LMO7: variants seen among roughly 807,000 people sequenced by gnomAD.
LMO7 encodes the protein LIM domain 7.
LMO7 carries 120 observed loss-of-function variants against 206.5 expected under a neutral mutation model. The observed-to-expected ratio is 0.58, with a 90% CI of 0.50 to 0.68. The LOEUF (loss-of-function observed/expected upper bound fraction) is 0.68, where lower values mean the gene tolerates loss of function less well. LMO7 is among the 30% of genes least tolerant of loss of function. LMO7 has a pLI of 0.00. For missense variants in LMO7, 1,959 were observed against 1,957.9 expected (o/e 1.00, Z -0.01); for synonymous variants, 706 against 681.5 (o/e 1.04, Z -0.56).
intron 2 of LMO7, among the ~76,000 whole-genome samples, chr13:75,720,219 A>G (rs2043902129): frequency 6.6e-6 from 1 of 152,046 alleles, no homozygotes; most frequent in African/African-American, 2.4e-5. Context: ...TTCCTTGTAT[A>G]TTTTAGATAA....
intron 29 of LMO7, 31 bp from the exon 30 acceptor site, chr13:75,856,475 T>C: frequency 7.6e-7 from 1 of 1,316,736 alleles, no homozygotes; most frequent in Non-Finnish European, 1.1e-6. Flanking sequence ...AGCTGACTGA[T>C]TGTAGATGTT....
At chr13:75,803,484 TGTA>T (rs2055043310) in intron 7 of LMO7, among the ~76,000 whole-genome samples, 1 of 152,224 alleles carries the variant, frequency 6.6e-6, no homozygotes, top group African/African-American at 2.4e-5. Flanking sequence ...GGCTTGGATC[TGTA>T]GTGTTGTTCT....
intron 4 of LMO7, among the ~76,000 whole-genome samples, chr13:75,764,934 GTTTT>G: frequency 6.6e-6 from 1 of 151,864 alleles, no homozygotes; most frequent in South Asian, 2.1e-4. Flanking sequence ...AACGGAGTTT[GTTTT>G]TTTAAGTCGA....
At position 75,858,670 on chromosome 13, in the gene LMO7, G is replaced by T. The variant is rs778342912; in HGVS notation, c.*727G>T. 4.6e-5 allele frequency: 7 copies of T among 152,724 alleles called. No individual in the cohort carries two copies. The highest frequency in any genetic ancestry group is 1.0e-4 in the Non-Finnish European group (7 of 68,016). The allele number at this position is 152,724 out of a possible 1,614,324, so 9.5% of individuals were successfully genotyped here. A position where few individuals can be genotyped will look rare whatever the true frequency, so the allele number is the denominator to read the frequency against. ...TGCATTTGTAAATAAACTTGCTGAT[G>T]CATTTAACGAGTGGGTCGTCTTTTT... is the stretch of plus-strand genomic sequence containing the variant. On this transcript the variant is annotated 3_prime_UTR_variant, in exon 31 of 31. Coordinates refer to ENST00000377534, the MANE Select transcript of LMO7 (RefSeq NM_001306080.2).
At chr13:75,857,787 T>G (rs985740383) in intron 30 of LMO7, 134 bp from the exon 31 acceptor site, 4 of 524,250 alleles carry the variant, frequency 7.6e-6, no homozygotes, top group African/African-American at 1.9e-5. Flanking sequence ...AGCTTTATCC[T>G]AAGAGTGAGT....
At chr13:75,838,261 A>G (rs1017049409) in intron 20 of LMO7, 65 bp downstream of exon 20, 4 of 1,519,138 alleles carry the variant, frequency 2.6e-6, no homozygotes, top group South Asian at 1.1e-5. Flanking sequence ...ACTCTTCCTC[A>G]TGGTCTGTGG....
At chr13:75,780,286 G>A (rs987906818) in intron 4 of LMO7, among the ~76,000 whole-genome samples, 43 of 152,096 alleles carry the variant, frequency 2.8e-4, no homozygotes, top group African/African-American at 9.9e-4. Context: ...AGGAGACCAG[G>A]GCGTATTTCA....
At chr13:75,810,462 T>C (rs1028801317) in intron 11 of LMO7, among the ~76,000 whole-genome samples, 4 of 152,224 alleles carry the variant, frequency 2.6e-5, no homozygotes, top group Non-Finnish European at 4.4e-5. Flanking sequence ...TTGCAAGTAC[T>C]TGTTAGCCAC....
chr13:75,710,323 T>C (rs1221412964), intron 1 of LMO7, among the ~76,000 whole-genome samples: 21 of 152,280 alleles, frequency 1.4e-4, no homozygotes, highest in Admixed American at 7.2e-4. Context: ...TAGTTTTTTC[T>C]AATTCTGTGA....
chr13:75,743,293 C>T (rs2046570641), intron 3 of LMO7, among the ~76,000 whole-genome samples: 1 of 152,078 alleles, frequency 6.6e-6, no homozygotes, highest in South Asian at 2.1e-4. Flanking sequence ...GTGTGGGAAG[C>T]TGTGTAGTGT....
chr13:75,662,004 A>T (rs2038652974), intron 1 of LMO7, among the ~76,000 whole-genome samples: 1 of 152,162 alleles, frequency 6.6e-6, no homozygotes, highest in Non-Finnish European at 1.5e-5. Flanking sequence ...TTTGTTTATA[A>T]AAGTCTTTTG....
intron 3 of LMO7, among the ~76,000 whole-genome samples, chr13:75,757,840 G>C (rs1247406242): frequency 9.6e-6 from 1 of 103,820 alleles, no homozygotes; most frequent in Non-Finnish European, 2.2e-5. Flanking sequence ...GTGTGTGTGT[G>C]TATGTTGGTT....
At chr13:75,840,287 C>G in intron 21 of LMO7, 104 bp from the exon 22 acceptor site, 1 of 1,421,788 alleles carries the variant, frequency 7.0e-7, no homozygotes, top group Non-Finnish European at 9.9e-7. Context: ...ACAGTTTAAG[C>G]AAACTGTGAT....
intron 1 of LMO7, among the ~76,000 whole-genome samples, chr13:75,639,434 G>A (rs2036295513): frequency 6.6e-6 from 1 of 152,160 alleles, no homozygotes; most frequent in African/African-American, 2.4e-5. Flanking sequence ...AGTTGGAAAG[G>A]CTGTTTGATA....
chr13:75,682,454 T>C (rs1302399927), intron 1 of LMO7, among the ~76,000 whole-genome samples: 4 of 152,048 alleles, frequency 2.6e-5, no homozygotes, highest in Non-Finnish European at 4.4e-5. Flanking sequence ...GGAGCCTGGA[T>C]GGGGTGCCTC....
intron 1 of LMO7, among the ~76,000 whole-genome samples, chr13:75,662,879 G>C (rs897783107): frequency 6.6e-6 from 1 of 152,152 alleles, no homozygotes; most frequent in Non-Finnish European, 1.5e-5. Context: ...CATGTTGGTG[G>C]TTTAGGTCTT....
At chr13:75,651,599 A>G (rs2037574389) in intron 1 of LMO7, among the ~76,000 whole-genome samples, 1 of 152,170 alleles carries the variant, frequency 6.6e-6, no homozygotes, top group Non-Finnish European at 1.5e-5. Flanking sequence ...AAGTGCTGGG[A>G]TTACAGGCGT....
At chr13:75,697,366 G>A (rs956197743) in intron 1 of LMO7, among the ~76,000 whole-genome samples, 17 of 152,176 alleles carry the variant, frequency 1.1e-4, no homozygotes, top group Non-Finnish European at 2.4e-4. Context: ...TCACAATCAT[G>A]GTGGAAGATG....
chr13:75,686,922 A>G (rs2041057990), intron 1 of LMO7, among the ~76,000 whole-genome samples: 1 of 152,088 alleles, frequency 6.6e-6, no homozygotes, highest in Admixed American at 6.5e-5. Context: ...AAAGGGCTAG[A>G]GAGCTGTCTA....
Sources: gnomAD v4.1 joint callset for allele counts (sites outside exome capture counted in the v4.1 genomes callset) on GRCh38, gnomAD v4.1.1 for gene constraint, MANE v1.5 for transcripts, NCBI Gene and HGNC (gene_info 2026-07-23, HGNC 2026-07-21) for gene names.